NYAP2: variants seen among roughly 807,000 people sequenced by gnomAD.
NYAP2 encodes the protein neuronal tyrosine-phosphorylated phosphoinositide-3-kinase adaptor 2, also known as neuronal tyrosine-phosphorylated phosphoinositide-3-kinase adapter 2.
A neutral mutation model predicts 50.4 loss-of-function variants in NYAP2; 23 were observed. The observed-to-expected ratio is 0.46, with a 90% confidence interval of 0.33 to 0.65. NYAP2 has a LOEUF of 0.65. NYAP2 is among the 30% of genes least tolerant of loss of function. The probability of loss-of-function intolerance (pLI) is 0.02; values close to 1 mark genes in which losing one functional copy is unlikely to be tolerated. For missense variants in NYAP2, 885 were observed against 861.0 expected, an observed-to-expected ratio of 1.03 and a Z score of -0.35; for synonymous variants, 394 against 365.2, an observed-to-expected ratio of 1.08 and a Z score of -0.90.
the NYAP2 span, among the ~76,000 whole-genome samples, chr2:225,664,417 C>G: frequency 6.6e-6 from 1 of 152,074 alleles, no homozygotes; most frequent in Non-Finnish European, 1.5e-5. Context: ...ACAGTGGAAA[C>G]GGATTAGTAT....
intron 2 of NYAP2, among the ~76,000 whole-genome samples, chr2:225,403,934 G>T (rs767096785): frequency 6.6e-6 from 1 of 151,898 alleles, no homozygotes; most frequent in African/African-American, 2.4e-5. Flanking sequence ...GAAGAAATTT[G>T]CTCTGAAGCA....
At chr2:225,532,919 A>C (rs188216857) in intron 4 of NYAP2, among the ~76,000 whole-genome samples, 36 of 152,334 alleles carry the variant, frequency 2.4e-4, no homozygotes, top group African/African-American at 8.4e-4. Context: ...AGTGTCTACT[A>C]TGCATGTGGC....
chr2:225,483,768 G>C (rs968155392), intron 3 of NYAP2, among the ~76,000 whole-genome samples: 1 of 152,136 alleles, frequency 6.6e-6, no homozygotes, highest in South Asian at 2.1e-4. Context: ...TGATATAATT[G>C]CTAAATGAGA....
intron 3 of NYAP2, among the ~76,000 whole-genome samples, chr2:225,418,733 T>G (rs2106125321): frequency 6.6e-6 from 1 of 152,320 alleles, no homozygotes; most frequent in South Asian, 2.1e-4. Flanking sequence ...AATTTGTAGG[T>G]ATGAGGTTAA....
intron 3 of NYAP2, among the ~76,000 whole-genome samples, chr2:225,502,757 C>G (rs1361482192): frequency 6.6e-6 from 1 of 152,096 alleles, no homozygotes; most frequent in Non-Finnish European, 1.5e-5. Flanking sequence ...TTGTTAGGGC[C>G]CCAGGACTTG....
chr2:225,420,699 C>G (rs1366961876), intron 3 of NYAP2, among the ~76,000 whole-genome samples: 1 of 151,804 alleles, frequency 6.6e-6, no homozygotes, highest in Non-Finnish European at 1.5e-5. Context: ...CAACCTCTAC[C>G]TCCCAAGCTC....
At chr2:225,408,207 T>A (rs1466444873) in intron 2 of NYAP2, among the ~76,000 whole-genome samples, 1 of 152,038 alleles carries the variant, frequency 6.6e-6, no homozygotes, top group Non-Finnish European at 1.5e-5. Context: ...ACCAGACTGG[T>A]CAGGACTAAT....
the NYAP2 span, among the ~76,000 whole-genome samples, chr2:225,671,123 A>G: frequency 6.6e-5 from 10 of 152,090 alleles, no homozygotes; most frequent in Admixed American, 5.2e-4. Context: ...TGCCACATCA[A>G]TTTAACTCTT....
chr2:225,518,075 C>G (rs1453757615), intron 4 of NYAP2, among the ~76,000 whole-genome samples: 1 of 151,800 alleles, frequency 6.6e-6, no homozygotes, highest in Admixed American at 6.6e-5. Context: ...CCTCAGTGCC[C>G]CTTAACAGAT....
intron 2 of NYAP2, among the ~76,000 whole-genome samples, chr2:225,406,103 C>A (rs11893709): frequency 0.022 from 3,359 of 150,660 alleles, 111 homozygotes; most frequent in African/African-American, 0.075. Context: ...TCTATTCCAA[C>A]CACTATTTTT....
intron 4 of NYAP2, among the ~76,000 whole-genome samples, chr2:225,562,537 GGTA>G (rs1448530370): frequency 1.3e-5 from 2 of 152,072 alleles, no homozygotes; most frequent in Non-Finnish European, 2.9e-5. Flanking sequence ...ATATCTCCAA[GGTA>G]ACACCAAAAT....
At chr2:225,570,166 T>C (rs1458763412) in intron 4 of NYAP2, among the ~76,000 whole-genome samples, 2 of 152,320 alleles carry the variant, frequency 1.3e-5, no homozygotes, top group East Asian at 3.9e-4. Context: ...AACAGAGGGC[T>C]GTGTCTTCTT....
At chr2:225,589,350 C>A (rs1394363300) in intron 5 of NYAP2, among the ~76,000 whole-genome samples, 2 of 150,398 alleles carry the variant, frequency 1.3e-5, no homozygotes, top group Non-Finnish European at 3.0e-5. Flanking sequence ...TTAGGAGAAT[C>A]CACACATTTT....
At chr2:225,408,220 G>A (rs1172817348) in intron 2 of NYAP2, among the ~76,000 whole-genome samples, 3 of 151,898 alleles carry the variant, frequency 2.0e-5, no homozygotes, top group Admixed American at 6.6e-5. Context: ...GGACTAATGT[G>A]GTCCTAGTGA....
chr2:225,493,893 C>G (rs1690454595), intron 3 of NYAP2, among the ~76,000 whole-genome samples: 1 of 152,172 alleles, frequency 6.6e-6, no homozygotes. Context: ...TCTGCCAACC[C>G]ATTGTAATCC....
At chr2:225,683,465 T>A in the NYAP2 span, among the ~76,000 whole-genome samples, 15 of 152,324 alleles carry the variant, frequency 9.8e-5, no homozygotes, top group East Asian at 2.9e-3. Flanking sequence ...TAATCAGCAT[T>A]TAATAAAAAA....
chr2:225,579,406 G>T (rs887990508), intron 4 of NYAP2, among the ~76,000 whole-genome samples: 13 of 152,134 alleles, frequency 8.5e-5, no homozygotes, highest in Non-Finnish European at 4.4e-5. Flanking sequence ...TTTGTAAATG[G>T]ATTGTCCAGA....
chr2:225,410,931 G>C (rs1574600419), intron 3 of NYAP2, among the ~76,000 whole-genome samples: 1 of 152,070 alleles, frequency 6.6e-6, no homozygotes. Context: ...ATCCATTTGT[G>C]TGAACTTTGA....
intron 6 of NYAP2, among the ~76,000 whole-genome samples, chr2:225,638,542 C>G (rs1201709801): frequency 6.6e-6 from 1 of 152,040 alleles, no homozygotes; most frequent in Non-Finnish European, 1.5e-5. Context: ...CATGAGAGTG[C>G]CTGGGGCAGC....
Sources: gnomAD v4.1 joint callset for allele counts (sites outside exome capture counted in the v4.1 genomes callset) on GRCh38, gnomAD v4.1.1 for gene constraint, MANE v1.5 for transcripts, NCBI Gene and HGNC (gene_info 2026-07-23, HGNC 2026-07-21) for gene names.